PRKCZ: variants seen among roughly 807,000 people sequenced by gnomAD.
PRKCZ encodes the protein protein kinase C zeta type.
Under a neutral mutation model 79.5 loss-of-function variants are expected in PRKCZ, and 33 were observed. That is an observed-to-expected ratio of 0.41 (90% CI 0.31 to 0.55). PRKCZ has a LOEUF of 0.55. Among genes scored for constraint, PRKCZ ranks in the 20% least tolerant of loss-of-function variants. The pLI, the probability that PRKCZ is intolerant of heterozygous loss-of-function variation, is 0.19. For synonymous variants in PRKCZ, 342 were observed against 320.9 expected (o/e 1.07, Z -0.70); for missense variants, 578 against 813.5 (o/e 0.71, Z 3.52).
At chr1:2,152,713 T>C (rs1680140085) in intron 9 of PRKCZ, among the ~76,000 whole-genome samples, 1 of 152,236 alleles carries the variant, frequency 6.6e-6, no homozygotes, top group Non-Finnish European at 1.5e-5. Flanking sequence ...ATCTGCCTTC[T>C]TCCTCTGCGG....
At chr1:2,132,696 GTC>G (rs1452313274) in intron 4 of PRKCZ, among the ~76,000 whole-genome samples, 1 of 152,234 alleles carries the variant, frequency 6.6e-6, no homozygotes, top group Non-Finnish European at 1.5e-5. Context: ...CGGGCCCTTT[GTC>G]TCTCATGTGT....
At chr1:2,142,643 G>T in intron 5 of PRKCZ, 1 of 190,870 alleles carries the variant, frequency 5.2e-6, no homozygotes, top group Non-Finnish European at 1.1e-5. Flanking sequence ...CTGGGCTGAT[G>T]TAGGTAGCAT....
chr1:2,053,805 G>A (rs1264350119), intron 1 of PRKCZ, among the ~76,000 whole-genome samples: 1 of 152,134 alleles, frequency 6.6e-6, no homozygotes, highest in Non-Finnish European at 1.5e-5. Flanking sequence ...TGTCAGCTTG[G>A]GGCGACCCCA....
chr1:2,082,496 G>C lies in PRKCZ; in HGVS notation c.334+22905G>C, dbSNP rs576134846. 5.0e-5 allele frequency: 22 copies of C among 444,084 alleles called. No individual in the cohort carries two copies. The highest frequency in any genetic ancestry group is 8.2e-5 in the Non-Finnish European group (18 of 220,478). 27.5% of individuals were successfully genotyped at this position (444,084 alleles called of 1,614,324 possible). ...GATCACGTCCGCGTTCCTAGCGACC[G>C]GTTTTGTGATGTGGGCAGTGCCGTG... On this transcript the variant is annotated intron_variant, in intron 4 of 17. Coordinates refer to ENST00000378567, the MANE Select transcript of PRKCZ (RefSeq NM_002744.6). The surrounding 1 kb of genome is among the most constrained non-coding windows in gnomAD (Gnocchi z 4.4).
At chr1:2,161,394 C>CG (rs1682270321) in intron 10 of PRKCZ, among the ~76,000 whole-genome samples, 1 of 152,354 alleles carries the variant, frequency 6.6e-6, no homozygotes, top group South Asian at 2.1e-4. Context: ...TTTTGCATTG[C>CG]GAGGGCGTCC....
chr1:2,111,497 G>A lies in PRKCZ; in HGVS notation c.335-23765G>A, dbSNP rs570170701. ...AGCTGGTTGTCAGGACTCAAGAGGC[G>A]GACAGGGAGGGGCTGGGGTTAGGGA... On this transcript the variant is annotated intron_variant, in intron 4 of 17. Coordinates refer to ENST00000378567, the MANE Select transcript of PRKCZ (RefSeq NM_002744.6). Among the ~76,000 whole-genome samples the A allele has an allele frequency of 3.9e-5, 6 of 152,150 alleles. No homozygotes were observed. The East Asian group carries it at 9.7e-4, about 25-fold the overall frequency.
rs1011725283 is a variant in PRKCZ at position 2,173,113 on chromosome 1, C to G, written c.1285+725C>G. 6.6e-6 allele frequency among the ~76,000 whole-genome samples: 1 copy of G among 152,204 alleles called. No homozygotes were observed. The highest frequency in any genetic ancestry group is 1.5e-5 in the Non-Finnish European group (1 of 68,036). ...TACACACTCCACCCACTTCTGCATC[C>G]TGGTGTTTTCAATGAGGCATGCATG... On this transcript the variant is annotated intron_variant, in intron 13 of 17. Transcript: ENST00000378567. This position sits in a 1 kb window ranked among gnomAD's most constrained non-coding sequence, Gnocchi z 5.7.
In PRKCZ at chr1:2,175,276, A is replaced by G. The variant is rs368950062; in HGVS notation, c.1538A>G (p.Lys513Arg). ...CRPQTGFSDI[K>R]SHAFFRSIDW... ...CCACAGACTGGATTTTCTGACATCA[A>G]GTCCCACGCGTTCTTCCGCAGCATA... Residue 513 changes from lysine (K) to arginine (R), a missense_variant, in exon 16 of 18, where the codon AAG becomes AGG. Physicochemically the swap from Lys to Arg is conservative, Grantham distance 26. This residue lies in a region of PRKCZ where 243 missense variants were observed against 467.0 expected (regional missense o/e 0.52). Transcript: ENST00000378567. The G allele has an allele frequency of 1.1e-5, 18 of 1,613,750 alleles. No individual in the cohort carries two copies. Among genetic ancestry groups the G allele is most frequent in the Admixed American group, 3.3e-5 (2 of 59,978 alleles).
intron 9 of PRKCZ, among the ~76,000 whole-genome samples, chr1:2,155,744 GTGTA>G (rs1680903268): frequency 6.6e-6 from 1 of 151,252 alleles, no homozygotes; most frequent in Non-Finnish European, 1.5e-5. Flanking sequence ...TGGGGGTAGG[GTGTA>G]TGGTGACAGT....
intron 10 of PRKCZ, among the ~76,000 whole-genome samples, chr1:2,158,524 G>A (rs558054584): frequency 4.7e-4 from 72 of 152,306 alleles, no homozygotes; most frequent in African/African-American, 1.6e-3. Flanking sequence ...TTCCCATTGC[G>A]CTTTTCCAGG....
chr1:2,094,474 C>T lies in PRKCZ; in HGVS notation c.334+34883C>T, dbSNP rs1249483389. On this transcript the variant is annotated intron_variant, in intron 4 of 17. Coordinates refer to ENST00000378567, the MANE Select transcript of PRKCZ (RefSeq NM_002744.6). The surrounding 1 kb of genome is among the most constrained non-coding windows in gnomAD (Gnocchi z 7.3). Reference sequence around the variant, plus strand: ...TGTGCCCGGCTCGTTGAACCTTGGGCGCTGCCCGTTCTGAGGCGCCCTCTG... The same window carrying T: ...TGTGCCCGGCTCGTTGAACCTTGGGTGCTGCCCGTTCTGAGGCGCCCTCTG... Among the ~76,000 whole-genome samples the T allele has an allele frequency of 2.8e-5, 4 of 144,790 alleles. No homozygotes were observed. The highest frequency in any genetic ancestry group is 2.2e-4 in the South Asian group (1 of 4,530). The allele number at this position is 144,790 out of a possible 152,430, so 95.0% of individuals were successfully genotyped here.
At chr1:2,072,942 C>T (rs561661435) in intron 4 of PRKCZ, among the ~76,000 whole-genome samples, 1 of 152,212 alleles carries the variant, frequency 6.6e-6, no homozygotes, top group Non-Finnish European at 1.5e-5. Flanking sequence ...CAGCTGAGCA[C>T]CCCGCGACCC....
intron 4 of PRKCZ, among the ~76,000 whole-genome samples, chr1:2,069,921 G>A (rs1403641415): frequency 1.3e-5 from 2 of 152,162 alleles, no homozygotes; most frequent in Non-Finnish European, 2.9e-5. Flanking sequence ...GGCCCCATTG[G>A]CCTCCCTGTG....
At chr1:2,131,842 C>T (rs924801067) in intron 4 of PRKCZ, among the ~76,000 whole-genome samples, 1 of 152,226 alleles carries the variant, frequency 6.6e-6, no homozygotes, top group African/African-American at 2.4e-5. Context: ...GAGAGAGTCT[C>T]GCTCTGTCGC....
chr1:2,071,021 C>G (rs1222376908), intron 4 of PRKCZ, among the ~76,000 whole-genome samples: 1 of 129,280 alleles, frequency 7.7e-6, no homozygotes, highest in Non-Finnish European at 1.7e-5. Context: ...CCGGGGCTAC[C>G]ATGGAGTCGC....
In PRKCZ at chr1:2,135,281, A is replaced by G. The variant is rs757475961; in HGVS notation, c.354A>G (p.Gly118=). Residue 118 remains glycine, a synonymous_variant, in exon 5 of 18, where the codon GGA becomes GGG. Coordinates refer to ENST00000378567, the MANE Select transcript of PRKCZ (RefSeq NM_002744.6). Reference sequence around the variant, plus strand: ...TTCCAGAATCTATCTACCGCCGGGGAGCCAGAAGATGGAGGAAGCTGTACC... The same window carrying G: ...TTCCAGAATCTATCTACCGCCGGGGGGCCAGAAGATGGAGGAAGCTGTACC... The part of the protein sequence containing the change: ...PGEDKSIYRR[G]ARRWRKLYRA... 1.7e-5 allele frequency: 27 copies of G among 1,613,072 alleles called. No homozygotes were observed. In the South Asian group the frequency reaches 2.9e-4, roughly 17 times the overall value.
In PRKCZ at chr1:2,094,180, G is replaced by GC. The variant is rs550099273; in HGVS notation, c.334+34596dup. On this transcript the variant is annotated intron_variant, in intron 4 of 17. Coordinates refer to ENST00000378567, the MANE Select transcript of PRKCZ (RefSeq NM_002744.6). This position sits in a 1 kb window ranked among gnomAD's most constrained non-coding sequence, Gnocchi z 7.3. ...CCATCCCTCCCCCGTCCCGGGAGCAGCCCCCCCACTTCCACCTGTCTTGGA... is the reference window on the plus strand; with the variant it reads ...CCATCCCTCCCCCGTCCCGGGAGCAGCCCCCCCCACTTCCACCTGTCTTGGA... Among the ~76,000 whole-genome samples, 78 of 152,156 alleles carry GC rather than the reference G, an allele frequency of 5.1e-4. No individual in the cohort carries two copies. The highest frequency in any genetic ancestry group is 2.4e-3 in the Admixed American group (37 of 15,308).
At chr1:2,084,509 G>C (rs371666748) in intron 4 of PRKCZ, among the ~76,000 whole-genome samples, 1 of 152,346 alleles carries the variant, frequency 6.6e-6, no homozygotes, top group East Asian at 1.9e-4. Context: ...ATGCGCGGCC[G>C]GCCGGCTCAC....
At chr1:2,079,753 G>A (rs988432625) in intron 4 of PRKCZ, among the ~76,000 whole-genome samples, 3 of 152,174 alleles carry the variant, frequency 2.0e-5, no homozygotes, top group East Asian at 1.9e-4. Context: ...TGTTTTCACC[G>A]AGAGTCCCTT....
Sources: gnomAD v4.1 joint callset for allele counts (sites outside exome capture counted in the v4.1 genomes callset) on GRCh38, gnomAD v4.1.1 for gene constraint, gnomAD v4.1.1 regional missense constraint, Gnocchi (gnomAD v3.1) non-coding constraint, MANE v1.5 for transcripts, NCBI Gene and HGNC (gene_info 2026-07-23, HGNC 2026-07-21) for gene names.